The following COL21A1 variants were observed in gnomAD, a reference collection of about 807,000 sequenced individuals.
The protein encoded by COL21A1 is collagen alpha-1(XXI) chain.
COL21A1 carries 149 observed loss-of-function variants against 137.9 expected under a neutral mutation model. The observed-to-expected ratio is 1.08, with a 90% CI of 0.95 to 1.24. The LOEUF (loss-of-function observed/expected upper bound fraction) is 1.24, where lower values mean the gene tolerates loss of function less well. Among genes scored for constraint, COL21A1 ranks in the 50% most tolerant of loss-of-function variants. COL21A1 has a pLI of 0.00. For missense variants in COL21A1, 1,167 were observed against 1,158.4 expected, an observed-to-expected ratio of 1.01 and a Z score of -0.11; for synonymous variants, 456 against 391.5, an observed-to-expected ratio of 1.16 and a Z score of -1.95.
chr6:56,194,366 C>T (rs1474415398), intron 1 of COL21A1, among the ~76,000 whole-genome samples: 2 of 152,078 alleles, frequency 1.3e-5, no homozygotes, highest in Admixed American at 6.6e-5. Flanking sequence ...ATGTACACTT[C>T]AAATGAAGTT....
At chr6:56,069,284 A>G (rs2114085569) in intron 21 of COL21A1, among the ~76,000 whole-genome samples, 167 bp from the exon 22 acceptor site, 1 of 151,754 alleles carries the variant, frequency 6.6e-6, no homozygotes, top group Non-Finnish European at 1.5e-5. Flanking sequence ...GAATCCCAGT[A>G]AAATTTCTTG....
chr6:56,138,690 A>C (rs1476141654), intron 12 of COL21A1, among the ~76,000 whole-genome samples: 1 of 152,138 alleles, frequency 6.6e-6, no homozygotes, highest in Non-Finnish European at 1.5e-5. Flanking sequence ...AATATGCAGC[A>C]GAAGGTTGGG....
At chr6:56,097,940 TATATATAA>T (rs1562188747) in intron 17 of COL21A1, among the ~76,000 whole-genome samples, 2 of 86,006 alleles carry the variant, frequency 2.3e-5, no homozygotes, top group African/African-American at 9.5e-5. Flanking sequence ...TATATAAAAA[TATATATAA>T]ATATAAAAAT....
At chr6:56,211,155 T>A (rs1222403329) in intron 1 of COL21A1, among the ~76,000 whole-genome samples, 2 of 106,686 alleles carry the variant, frequency 1.9e-5, no homozygotes, top group Admixed American at 9.3e-5. Context: ...TTTGTGTAAA[T>A]TTTGTGTGTA....
chr6:56,167,539 T>G (rs1187763818), intron 6 of COL21A1, among the ~76,000 whole-genome samples: 1 of 152,218 alleles, frequency 6.6e-6, no homozygotes, highest in African/African-American at 2.4e-5. Flanking sequence ...ATAGAAACAG[T>G]GCAGGAGGGA....
chr6:56,082,658 A>ATT (rs138466411), intron 17 of COL21A1, among the ~76,000 whole-genome samples: 2 of 151,442 alleles, frequency 1.3e-5, no homozygotes, highest in Non-Finnish European at 2.9e-5. Context: ...AAATTCTACT[A>ATT]TTTTTTTTGA....
chr6:56,257,528 G>GA (rs970239541), intron 1 of COL21A1, among the ~76,000 whole-genome samples: 5 of 151,998 alleles, frequency 3.3e-5, no homozygotes, highest in East Asian at 3.9e-4. Context: ...AAAAAATGAA[G>GA]AAAAAACCCC....
chr6:56,299,941 T>C (rs1266663789), intron 1 of COL21A1, among the ~76,000 whole-genome samples: 2 of 152,160 alleles, frequency 1.3e-5, no homozygotes, highest in African/African-American at 4.8e-5. Context: ...TTAACTCTAC[T>C]TGCAATCTCA....
At chr6:56,143,310 C>T (rs1362382928) in intron 10 of COL21A1, among the ~76,000 whole-genome samples, 1 of 151,080 alleles carries the variant, frequency 6.6e-6, no homozygotes. Context: ...ACGCCATTCT[C>T]CTGCCTCAGC....
intron 1 of COL21A1, among the ~76,000 whole-genome samples, chr6:56,264,696 C>T (rs1424470858): frequency 1.3e-5 from 2 of 152,150 alleles, no homozygotes; most frequent in South Asian, 4.1e-4. Context: ...ATGCATATAC[C>T]TCAATCCGAT....
At position 56,273,460 on chromosome 6, in the gene COL21A1, C is replaced by T. The variant is rs937859658; in HGVS notation, c.-38-90804G>A. Among the ~76,000 whole-genome samples the T allele has an allele frequency of 3.3e-5, 5 of 152,158 alleles. No individual in the cohort carries two copies. In the East Asian group the frequency reaches 7.7e-4, roughly 23 times the overall value. ...AAAGTTAGTACTTCAAAAGAATAAA[C>T]AAAATTGATAGACTGCTAGCTACAT... On this transcript the variant is annotated intron_variant, in intron 1 of 28. Coordinates refer to the COL21A1 transcript ENST00000370819.
chr6:56,195,744 C>A (rs1333934887), intron 1 of COL21A1, among the ~76,000 whole-genome samples: 1 of 151,994 alleles, frequency 6.6e-6, no homozygotes, highest in Non-Finnish European at 1.5e-5. Context: ...TAAACAAAAC[C>A]TCCCAACAGA....
intron 1 of COL21A1, among the ~76,000 whole-genome samples, chr6:56,223,467 A>T (rs1019724328): frequency 6.6e-6 from 1 of 152,110 alleles, no homozygotes; most frequent in Admixed American, 6.6e-5. Context: ...TAAAAACTAT[A>T]TTAAATTCCT....
At chr6:56,097,669 C>A (rs1035158406) in intron 17 of COL21A1, among the ~76,000 whole-genome samples, 3 of 148,250 alleles carry the variant, frequency 2.0e-5, no homozygotes, top group African/African-American at 7.5e-5. Flanking sequence ...AAACCCAAAT[C>A]AGTGTCTGCT....
At chr6:56,315,460 G>T (rs780251490) in intron 1 of COL21A1, among the ~76,000 whole-genome samples, 1 of 152,104 alleles carries the variant, frequency 6.6e-6, no homozygotes, top group Non-Finnish European at 1.5e-5. Flanking sequence ...GAAGAAATAC[G>T]TAAAAAGAAG....
chr6:56,091,762 T>A (rs1768841046), intron 17 of COL21A1: 1 of 152,208 alleles, frequency 6.6e-6, no homozygotes, highest in African/African-American at 2.4e-5. Flanking sequence ...CAGTGGAAAC[T>A]ATTCTGCAGA....
At chr6:56,332,898 T>C (rs56400248) in intron 1 of COL21A1, among the ~76,000 whole-genome samples, 6,529 of 152,226 alleles carry the variant, frequency 0.043, 178 homozygotes, top group East Asian at 0.093. Context: ...AAAAACTCTT[T>C]AGGTGTTAAA....
intron 14 of COL21A1, 93 bp from the exon 15 acceptor site, chr6:56,124,385 T>A (rs1772829923): frequency 1.7e-6 from 2 of 1,202,208 alleles, no homozygotes; most frequent in Admixed American, 4.2e-5. Context: ...TAAGTTAACA[T>A]CATTATGTAG....
At chr6:56,393,718 C>T (rs76583297) in intron 1 of COL21A1, among the ~76,000 whole-genome samples, 3,005 of 152,250 alleles carry the variant, frequency 0.02, 89 homozygotes, top group African/African-American at 0.067. Context: ...AGGCTGCAGC[C>T]TACACCATGA....
Sources: allele counts gnomAD v4.1 joint callset (sites outside exome capture counted in the v4.1 genomes callset), GRCh38; gene constraint gnomAD v4.1.1; transcripts MANE v1.5; gene names NCBI Gene and HGNC (gene_info 2026-07-23, HGNC 2026-07-21).